WWOX: variants seen among roughly 807,000 people sequenced by gnomAD.
WWOX encodes the protein WW domain-containing oxidoreductase.
Under a neutral mutation model 46.2 loss-of-function variants are expected in WWOX, and 69 were observed. That is an observed-to-expected ratio of 1.49 (90% CI 1.23 to 1.82). WWOX has a LOEUF of 1.82. Ranked by LOEUF, WWOX falls within the 40% of genes most tolerant of loss-of-function variation. The pLI is 0.00. For synonymous variants in WWOX, 359 were observed against 202.6 expected (o/e 1.77, Z -6.56); for missense variants, 919 against 542.6 (o/e 1.69, Z -6.89).
At chr16:78,957,234 C>T (rs2046185584) in intron 8 of WWOX, among the ~76,000 whole-genome samples, 1 of 152,192 alleles carries the variant, frequency 6.6e-6, no homozygotes. Context: ...ACACCGCCGT[C>T]CTTTTGTGTG....
At chr16:78,866,417 C>G (rs1048531349) in intron 8 of WWOX, among the ~76,000 whole-genome samples, 1 of 149,448 alleles carries the variant, frequency 6.7e-6, no homozygotes, top group African/African-American at 2.5e-5. Context: ...ATCATTGAGA[C>G]TGATCAAGAC....
At chr16:78,813,413 C>T (rs1394063587) in intron 8 of WWOX, among the ~76,000 whole-genome samples, 1 of 151,996 alleles carries the variant, frequency 6.6e-6, no homozygotes, top group African/African-American at 2.4e-5. Context: ...AGGTGGTTAC[C>T]AGAATGGAGG....
At chr16:78,151,589 C>G (rs1680522042) in intron 4 of WWOX, among the ~76,000 whole-genome samples, 1 of 152,154 alleles carries the variant, frequency 6.6e-6, no homozygotes, top group South Asian at 2.1e-4. Flanking sequence ...CAGGAAATAC[C>G]TTGTTTGGAA....
chr16:78,779,664 C>G (rs1448763622), intron 8 of WWOX, among the ~76,000 whole-genome samples: 1 of 152,192 alleles, frequency 6.6e-6, no homozygotes, highest in Non-Finnish European at 1.5e-5. Context: ...CCAGTTCACA[C>G]TGCTGATCAG....
chr16:78,871,763 C>T (rs1357997210), intron 8 of WWOX, among the ~76,000 whole-genome samples: 2 of 152,160 alleles, frequency 1.3e-5, no homozygotes, highest in Non-Finnish European at 2.9e-5. Context: ...CCATACCCAC[C>T]TAATTTTTTG....
intron 8 of WWOX, among the ~76,000 whole-genome samples, chr16:78,741,214 G>GT (rs556349666): frequency 3.2e-4 from 49 of 152,316 alleles, no homozygotes; most frequent in South Asian, 2.3e-3. Flanking sequence ...TTATAATCCT[G>GT]TAACAGAAAG....
intron 8 of WWOX, among the ~76,000 whole-genome samples, chr16:78,672,738 G>T (rs189964895): frequency 6.6e-6 from 1 of 152,346 alleles, no homozygotes; most frequent in South Asian, 2.1e-4. Context: ...CTGGTCTGCA[G>T]CCCCCCATTT....
intron 8 of WWOX, among the ~76,000 whole-genome samples, chr16:78,569,235 T>C (rs1436782386): frequency 6.6e-6 from 1 of 152,216 alleles, no homozygotes; most frequent in Non-Finnish European, 1.5e-5. Context: ...AATAGAAAAG[T>C]GCTTCCTTGT....
intron 8 of WWOX, among the ~76,000 whole-genome samples, chr16:78,751,495 G>C (rs1488042307): frequency 2.4e-4 from 28 of 114,762 alleles, no homozygotes; most frequent in Admixed American, 2.3e-3. Flanking sequence ...ATATGCATAT[G>C]TTTGTATATA....
chr16:78,439,905 G>C (rs912042968), intron 8 of WWOX, among the ~76,000 whole-genome samples: 2 of 152,202 alleles, frequency 1.3e-5, no homozygotes, highest in Non-Finnish European at 2.9e-5. Flanking sequence ...AGATGGGAGG[G>C]ATGAGGCTCC....
chr16:79,151,680 A>G (rs983723834), intron 8 of WWOX, among the ~76,000 whole-genome samples: 1 of 130,472 alleles, frequency 7.7e-6, no homozygotes, highest in Non-Finnish European at 1.6e-5. Context: ...ATAGGCAAGA[A>G]GTAAGTGGCC....
At chr16:79,200,996 C>G (rs1027646512) in intron 8 of WWOX, among the ~76,000 whole-genome samples, 1 of 152,128 alleles carries the variant, frequency 6.6e-6, no homozygotes, top group African/African-American at 2.4e-5. Context: ...TGAACTAGTA[C>G]TTGTTGTGTG....
chr16:78,801,444 G>C (rs1192027635), intron 8 of WWOX, among the ~76,000 whole-genome samples: 3 of 152,174 alleles, frequency 2.0e-5, no homozygotes, highest in African/African-American at 4.8e-5. Flanking sequence ...AGGAGGTAGA[G>C]GTTGCAGTAA....
chr16:78,558,778 T>C (rs145146667), intron 8 of WWOX, among the ~76,000 whole-genome samples: 4 of 152,352 alleles, frequency 2.6e-5, no homozygotes, highest in Non-Finnish European at 5.9e-5. Context: ...TGTCACATTC[T>C]TCTGCCTAGA....
At chr16:78,404,541 C>T (rs903405121) in intron 6 of WWOX, among the ~76,000 whole-genome samples, 6 of 152,142 alleles carry the variant, frequency 3.9e-5, no homozygotes, top group Non-Finnish European at 7.3e-5. Flanking sequence ...GTCACTTTCT[C>T]TTGTGGAGTT....
At chr16:78,768,810 C>G (rs905901183) in intron 8 of WWOX, among the ~76,000 whole-genome samples, 1 of 152,052 alleles carries the variant, frequency 6.6e-6, no homozygotes, top group Non-Finnish European at 1.5e-5. Flanking sequence ...TGAATATTCA[C>G]ACCAGAAATG....
chr16:78,968,386 G>T (rs1468789570), intron 8 of WWOX, among the ~76,000 whole-genome samples: 1 of 151,996 alleles, frequency 6.6e-6, no homozygotes, highest in Non-Finnish European at 1.5e-5. Flanking sequence ...GAGATAAATT[G>T]TCATTGCTAA....
intron 8 of WWOX, among the ~76,000 whole-genome samples, chr16:79,000,860 A>G (rs949022574): frequency 6.6e-6 from 1 of 152,126 alleles, no homozygotes. Context: ...CCTCTCTTCC[A>G]TGGCATTGCC....
intron 8 of WWOX, among the ~76,000 whole-genome samples, chr16:79,131,341 C>G (rs1412030667): frequency 6.6e-6 from 1 of 152,018 alleles, no homozygotes; most frequent in Non-Finnish European, 1.5e-5. Flanking sequence ...TTAGTTTGCA[C>G]ATGAGGACAC....
Sources: allele counts gnomAD v4.1 joint callset (sites outside exome capture counted in the v4.1 genomes callset), GRCh38; gene constraint gnomAD v4.1.1; transcripts MANE v1.5; gene names NCBI Gene and HGNC (gene_info 2026-07-23, HGNC 2026-07-21).